Variants in EPHB1 observed in about 807,000 individuals in gnomAD.
EPHB1 encodes the protein ephrin type-B receptor 1.
A neutral mutation model predicts 94.4 loss-of-function variants in EPHB1; 30 were observed. The observed-to-expected ratio is 0.32, with a 90% CI of 0.24 to 0.43. The LOEUF (loss-of-function observed/expected upper bound fraction) is 0.43, where lower values mean the gene tolerates loss of function less well. Ranked by LOEUF, EPHB1 falls within the 20% of genes least tolerant of loss-of-function variation. The pLI, the probability that EPHB1 is intolerant of heterozygous loss-of-function variation, is 1.00. For synonymous variants in EPHB1, 522 were observed against 489.1 expected (o/e 1.07, Z -0.89); for missense variants, 1,055 against 1,308.3 (o/e 0.81, Z 2.99).
intron 15 of EPHB1, 26 bp from the exon 16 acceptor site, chr3:135,258,986 C>T: frequency 6.4e-7 from 1 of 1,556,384 alleles, no homozygotes; most frequent in African/African-American, 1.4e-5. Flanking sequence ...ACTAAAGTGA[C>T]TTCTTTTCTG....
At chr3:134,875,771 C>A (rs757765844) in intron 1 of EPHB1, among the ~76,000 whole-genome samples, 2 of 152,122 alleles carry the variant, frequency 1.3e-5, no homozygotes, top group African/African-American at 4.8e-5. Flanking sequence ...CCTTCCAAGT[C>A]TTTAAAGCAA....
chr3:134,946,550 G>A (rs1221026101), intron 2 of EPHB1, among the ~76,000 whole-genome samples: 2 of 152,098 alleles, frequency 1.3e-5, no homozygotes, highest in African/African-American at 4.8e-5. Context: ...TCTCAGCTTG[G>A]AGGGTGATAT....
At position 134,829,805 on chromosome 3, in the gene EPHB1, G is replaced by A. The variant is rs186921374; in HGVS notation, c.58+34116G>A. On this transcript the variant is annotated intron_variant, in intron 1 of 15. Coordinates refer to ENST00000398015, the MANE Select transcript of EPHB1 (RefSeq NM_004441.5). The stretch of plus-strand genomic sequence containing the variant: ...ATGACTGGTGTCCTTATAAAAATGG[G>A]AAATTTGGACGCAGACATGCACACA... Among the ~76,000 whole-genome samples the A allele has an allele frequency of 5.9e-5, 9 of 152,224 alleles. No individual in the cohort carries two copies. The East Asian group carries it at 1.5e-3, about 26-fold the overall frequency.
chr3:134,874,178 A>G (rs1212364530), intron 1 of EPHB1, among the ~76,000 whole-genome samples: 3 of 152,192 alleles, frequency 2.0e-5, no homozygotes, highest in African/African-American at 4.8e-5. Flanking sequence ...GTGGAATACT[A>G]TGCAGCCATA....
chr3:135,199,863 G>C (rs1293580239), intron 11 of EPHB1, among the ~76,000 whole-genome samples: 1 of 152,162 alleles, frequency 6.6e-6, no homozygotes, highest in African/African-American at 2.4e-5. Context: ...TTTTTGCATA[G>C]AAAATGCTTT....
intron 3 of EPHB1, among the ~76,000 whole-genome samples, chr3:134,999,805 G>A (rs566902865): frequency 2.6e-5 from 4 of 152,348 alleles, no homozygotes; most frequent in Middle Eastern, 3.4e-3. Context: ...TTGTGACTCT[G>A]TGGTAACATT....
chr3:135,079,796 G>A (rs1469484528), intron 3 of EPHB1, among the ~76,000 whole-genome samples: 6 of 152,114 alleles, frequency 3.9e-5, no homozygotes, highest in South Asian at 4.1e-4. Context: ...ATCCAGAGAC[G>A]TGGCTCTCTC....
chr3:134,954,145 G>A (rs1310220695), intron 3 of EPHB1, among the ~76,000 whole-genome samples: 1 of 152,194 alleles, frequency 6.6e-6, no homozygotes, highest in African/African-American at 2.4e-5. Flanking sequence ...CCAGCATCCT[G>A]GCTGAACTCT....
At position 134,889,717 on chromosome 3, in the gene EPHB1, GC is replaced by G. The variant is rs532669305; in HGVS notation, c.59-36096del. ...TTTTGAGACAGAGTCTCACTCTGTT[GC>G]CCAGGCTGGTGTGCACTGGCGCGAT... is the stretch of plus-strand genomic sequence containing the variant. On this transcript the variant is annotated intron_variant, in intron 1 of 15. Transcript: ENST00000398015. Among the ~76,000 whole-genome samples, 34 of 150,598 alleles carry G rather than the reference GC, an allele frequency of 2.3e-4. No individual in the cohort carries two copies. In the South Asian group the frequency reaches 6.8e-3, roughly 30 times the overall value.
Position 134,975,780 on chromosome 3 carries a change from A to T in EPHB1, c.805+23728A>T, listed in dbSNP as rs5852807. On this transcript the variant is annotated intron_variant, in intron 3 of 15. Coordinates refer to ENST00000398015, the MANE Select transcript of EPHB1 (RefSeq NM_004441.5). Reference sequence around the variant, plus strand: ...GAATAATAGAAAGATTTAAGAGGGCAGGGGGGGAGTGAGAAAGACAACATC... The same window carrying T: ...GAATAATAGAAAGATTTAAGAGGGCTGGGGGGGAGTGAGAAAGACAACATC... 1.5e-3 allele frequency among the ~76,000 whole-genome samples: 37 copies of T among 24,252 alleles called. 1 individual carries two copies. Among genetic ancestry groups the T allele is most frequent in the South Asian group, 5.4e-3 (7 of 1,300 alleles). 15.9% of individuals were successfully genotyped at this position (24,252 alleles called of 152,430 possible).
intron 4 of EPHB1, among the ~76,000 whole-genome samples, chr3:135,107,521 G>A (rs73862007): frequency 0.031 from 4,785 of 152,238 alleles, 177 homozygotes; most frequent in African/African-American, 0.09. Flanking sequence ...CCTCTAATGT[G>A]TTAGAATTTT....
chr3:134,895,400 G>A (rs2038068829), intron 1 of EPHB1, among the ~76,000 whole-genome samples: 1 of 152,334 alleles, frequency 6.6e-6, no homozygotes, highest in South Asian at 2.1e-4. Flanking sequence ...CAGAAGGAGT[G>A]TGTAGGAGAG....
At chr3:135,156,438 C>A (rs1941357706) in intron 6 of EPHB1, among the ~76,000 whole-genome samples, 5 of 152,170 alleles carry the variant, frequency 3.3e-5, no homozygotes. Context: ...GCAGCAGAAG[C>A]CCTCGTTTCC....
intron 3 of EPHB1, among the ~76,000 whole-genome samples, chr3:135,084,037 C>T (rs1030936173): frequency 1.7e-4 from 26 of 152,088 alleles, no homozygotes; most frequent in Non-Finnish European, 1.5e-5. Flanking sequence ...TCTCCCTCTG[C>T]CTGCCTTTTC....
chr3:135,153,113 G>A (rs1376693281), intron 5 of EPHB1, among the ~76,000 whole-genome samples: 11 of 152,300 alleles, frequency 7.2e-5, no homozygotes, highest in South Asian at 2.1e-4. Flanking sequence ...TTGTGACCCC[G>A]TAGTTGTGCA....
At chr3:134,854,440 T>C (rs1449865386) in intron 1 of EPHB1, among the ~76,000 whole-genome samples, 1 of 152,160 alleles carries the variant, frequency 6.6e-6, no homozygotes, top group Non-Finnish European at 1.5e-5. Context: ...AAGGATTTGC[T>C]TTTATTGCAC....
At chr3:135,246,812 A>G (rs1046932213) in intron 13 of EPHB1, among the ~76,000 whole-genome samples, 3 of 152,170 alleles carry the variant, frequency 2.0e-5, no homozygotes, top group East Asian at 1.9e-4. Flanking sequence ...TGTGGTTTGT[A>G]TGCTTGATTT....
chr3:135,197,456 C>G (rs764887584), intron 11 of EPHB1, among the ~76,000 whole-genome samples: 4 of 152,194 alleles, frequency 2.6e-5, no homozygotes, highest in Non-Finnish European at 4.4e-5. Flanking sequence ...TGGAGCAAAC[C>G]TGTTAACTCA....
intron 1 of EPHB1, among the ~76,000 whole-genome samples, chr3:134,801,289 G>T (rs1480035449): frequency 3.3e-5 from 5 of 152,192 alleles, no homozygotes; most frequent in Non-Finnish European, 7.3e-5. Flanking sequence ...CTGTCCTGCA[G>T]CCTTTCTAGT....
Sources: allele counts gnomAD v4.1 joint callset (sites outside exome capture counted in the v4.1 genomes callset), GRCh38; gene constraint gnomAD v4.1.1; transcripts MANE v1.5; gene names NCBI Gene and HGNC (gene_info 2026-07-23, HGNC 2026-07-21).